KLF8: variants seen among roughly 807,000 people sequenced by gnomAD.
The protein encoded by KLF8 is Krueppel-like factor 8.
In KLF8, 10 loss-of-function variants were observed where a neutral mutation model predicts 18.2. That is an observed-to-expected ratio of 0.55 (90% CI 0.34 to 0.93). The LOEUF is 0.93. KLF8 is among the 40% of genes least tolerant of loss of function. The pLI, the probability that KLF8 is intolerant of heterozygous loss-of-function variation, is 0.02. For missense variants in KLF8, 264 were observed against 277.9 expected, an observed-to-expected ratio of 0.95 and a Z score of 0.36; for synonymous variants, 109 against 97.3, an observed-to-expected ratio of 1.12 and a Z score of -0.71.
the KLF8 span, among the ~76,000 whole-genome samples, chrX:56,152,473 C>A: frequency 9.0e-6 from 1 of 111,322 alleles, no homozygotes; most frequent in Non-Finnish European, 1.9e-5. Flanking sequence ...GTTACCTGGG[C>A]AGTATCGGTC....
chrX:56,076,078 G>A, the KLF8 span, among the ~76,000 whole-genome samples: 155 of 107,952 alleles, frequency 1.4e-3, no homozygotes, highest in African/African-American at 4.7e-3. Flanking sequence ...TTGTTCTTGC[G>A]ATAGTTTATT....
chrX:56,000,893 T>A, the KLF8 span, among the ~76,000 whole-genome samples: 8 of 111,710 alleles, frequency 7.2e-5, no homozygotes, highest in Non-Finnish European at 1.3e-4. Context: ...GTTTCTTTGG[T>A]TGCAAGCCAC....
intron 1 of KLF8, among the ~76,000 whole-genome samples, chrX:56,247,598 A>T (rs1569178724): frequency 9.3e-6 from 1 of 107,454 alleles, no homozygotes; most frequent in East Asian, 2.9e-4. Flanking sequence ...ATTGTTAATT[A>T]TTTTTTTTTT....
chrX:56,194,252 A>T, the KLF8 span, among the ~76,000 whole-genome samples: 1 of 111,468 alleles, frequency 9.0e-6, no homozygotes, highest in Non-Finnish European at 1.9e-5. Context: ...GAGCTGAAGC[A>T]GGGCAGGGCG....
At chrX:56,174,423 G>A in the KLF8 span, among the ~76,000 whole-genome samples, 6 of 111,941 alleles carry the variant, frequency 5.4e-5, no homozygotes, top group African/African-American at 1.3e-4. Flanking sequence ...TGTTGAACCA[G>A]CCTTGCATCC....
chrX:55,917,829 C>T, the KLF8 span, among the ~76,000 whole-genome samples: 3,712 of 111,607 alleles, frequency 0.033, 174 homozygotes, highest in African/African-American at 0.12. Flanking sequence ...ATTATTGCTC[C>T]GCCACCTTTT....
At chrX:56,050,437 G>A in the KLF8 span, among the ~76,000 whole-genome samples, 2 of 110,227 alleles carry the variant, frequency 1.8e-5, no homozygotes, top group Admixed American at 1.9e-4. Context: ...ACACTGCTTT[G>A]AATGTGTCCC....
chrX:55,986,697 T>C, the KLF8 span, among the ~76,000 whole-genome samples: 21 of 112,240 alleles, frequency 1.9e-4, no homozygotes, highest in East Asian at 5.6e-3. Flanking sequence ...TATTTGATTT[T>C]TTCAACTTTT....
At chrX:56,254,506 G>A (rs1304239615) in intron 2 of KLF8, among the ~76,000 whole-genome samples, 1 of 112,231 alleles carries the variant, frequency 8.9e-6, no homozygotes, top group Non-Finnish European at 1.9e-5. Flanking sequence ...CAGCTCACCA[G>A]AGGGTCAGTG....
At chrX:55,949,278 T>A in the KLF8 span, among the ~76,000 whole-genome samples, 5 of 110,592 alleles carry the variant, frequency 4.5e-5, no homozygotes, top group African/African-American at 1.6e-4. Context: ...TTTACTGTTT[T>A]TGACCTTGGT....
chrX:56,211,655 C>T, the KLF8 span, among the ~76,000 whole-genome samples: 3 of 112,304 alleles, frequency 2.7e-5, no homozygotes, highest in Admixed American at 9.4e-5. Context: ...CCAGAAGTTC[C>T]GTTAAGGAGT....
At chrX:56,173,248 C>T in the KLF8 span, among the ~76,000 whole-genome samples, 2 of 111,912 alleles carry the variant, frequency 1.8e-5, no homozygotes, top group Non-Finnish European at 3.8e-5. Context: ...ACATTTAAGT[C>T]TTTAATCCAT....
chrX:56,213,253 T>C, the KLF8 span, among the ~76,000 whole-genome samples: 1 of 108,233 alleles, frequency 9.2e-6, no homozygotes, highest in African/African-American at 3.4e-5. Context: ...TCTCATCTTT[T>C]AAAATGACCT....
At chrX:55,916,963 A>G in the KLF8 span, among the ~76,000 whole-genome samples, 1 of 111,954 alleles carries the variant, frequency 8.9e-6, no homozygotes, top group African/African-American at 3.3e-5. Flanking sequence ...CTAACCTTAG[A>G]CAATGTTGAG....
At chrX:56,021,399 A>G in the KLF8 span, among the ~76,000 whole-genome samples, 1 of 111,490 alleles carries the variant, frequency 9.0e-6, no homozygotes, top group Non-Finnish European at 1.9e-5. Flanking sequence ...ATTAATAATA[A>G]TCATACAATT....
At chrX:56,269,531 G>GTGC in intron 4 of KLF8, 42 bp downstream of exon 4, 1 of 936,482 alleles carries the variant, frequency 1.1e-6, no homozygotes, top group Non-Finnish European at 1.4e-6. Flanking sequence ...GTGTATGTGT[G>GTGC]TGTGTGTGTG....
At chrX:56,060,227 A>T in the KLF8 span, among the ~76,000 whole-genome samples, 1 of 111,979 alleles carries the variant, frequency 8.9e-6, no homozygotes, top group African/African-American at 3.3e-5. Flanking sequence ...AATATGTTGA[A>T]TCAGAGTGTA....
intron 5 of KLF8, among the ~76,000 whole-genome samples, chrX:56,271,097 G>T (rs1030534074): frequency 1.8e-5 from 2 of 112,181 alleles, no homozygotes; most frequent in African/African-American, 6.5e-5. Flanking sequence ...TACATCTAGA[G>T]ATGACTTAAA....
At chrX:56,104,260 A>G in the KLF8 span, among the ~76,000 whole-genome samples, 3 of 111,056 alleles carry the variant, frequency 2.7e-5, no homozygotes, top group African/African-American at 9.8e-5. Context: ...CTCTTTTTCT[A>G]TTGATTGGAA....
Sources: gnomAD v4.1 joint callset for allele counts (sites outside exome capture counted in the v4.1 genomes callset) on GRCh38, gnomAD v4.1.1 for gene constraint, MANE v1.5 for transcripts, NCBI Gene and HGNC (gene_info 2026-07-23, HGNC 2026-07-21) for gene names.